The following TBC1D26 variants were observed in gnomAD, a reference collection of about 807,000 sequenced individuals.
TBC1D26 encodes TBC1 domain family member 26.
In TBC1D26, 19 loss-of-function variants were observed where a neutral mutation model predicts 42.5. The ratio of observed to expected loss-of-function variants is 0.45; its 90% CI spans 0.31 to 0.66. TBC1D26 has a LOEUF of 0.66. Ranked by LOEUF, TBC1D26 falls within the 30% of genes least tolerant of loss-of-function variation. The pLI, the probability that TBC1D26 is intolerant of heterozygous loss-of-function variation, is 0.06. For synonymous variants in TBC1D26, 97 were observed against 123.5 expected, an observed-to-expected ratio of 0.79 and a Z score of 1.42; for missense variants, 228 against 332.6, an observed-to-expected ratio of 0.69 and a Z score of 2.45.
At chr17:15,740,212 C>T in intron 9 of TBC1D26, 64 bp downstream of exon 9, 1 of 1,613,938 alleles carries the variant, frequency 6.2e-7, no homozygotes, top group Non-Finnish European at 8.5e-7. Context: ...ATGGGTGTCT[C>T]TTGGGGGTGT....
Position 15,740,508 on chromosome 17 carries a change from C to T in TBC1D26, c.546+360C>T, listed in dbSNP as rs149239736. ...GAAATGAGTTTGCATCCTGGGGGAG[C>T]CTCTTCTTCACTGGAAACCTGGCAA... On this transcript the variant is annotated intron_variant, in intron 9 of 14. Coordinates refer to ENST00000437605, the MANE Select transcript of TBC1D26 (RefSeq NM_001388465.1). The T allele has an allele frequency of 1.2e-3, 1,437 of 1,224,406 alleles. 3 individuals carry two copies. In the African/African-American group the frequency reaches 0.019, roughly 16 times the overall value. The allele number at this position is 1,224,406 out of a possible 1,614,324, so 75.8% of individuals were successfully genotyped here. A position where few individuals can be genotyped will look rare whatever the true frequency, so the allele number is the denominator to read the frequency against.
intron 1 of TBC1D26, chr17:15,734,593 T>C (rs2151496847): frequency 6.5e-6 from 1 of 153,610 alleles, no homozygotes; most frequent in East Asian, 1.9e-4. Context: ...TCTGGTCCTC[T>C]AGAGGCCTTG....
chr17:15,743,112 G>C (rs1199974619), intron 13 of TBC1D26, 104 bp downstream of exon 13: 1 of 153,056 alleles, frequency 6.5e-6, no homozygotes, highest in African/African-American at 2.4e-5. Context: ...GGGTTGGGGG[G>C]TCTGGCCTGC....
At position 15,741,158 on chromosome 17, in the gene TBC1D26, G is replaced by A. The variant is rs1367232258; in HGVS notation, c.583G>A (p.Ala195Thr). Residue 195 changes from alanine to threonine, a missense_variant, in exon 10 of 15, where the codon GCC becomes ACC. Physicochemically the swap from Ala to Thr is moderately conservative, Grantham distance 58 (BLOSUM62 0). Around this residue, in one of 5 missense-constraint regions of TBC1D26, gnomAD observed 130 missense variants for 168.5 expected, o/e 0.77. Coordinates refer to ENST00000437605, the MANE Select transcript of TBC1D26 (RefSeq NM_001388465.1). ...CCACAGGGACCTGAGCCGCATCACT[G>A]CCATCCTCCTCCTGTGTCTGCCAGA... ...GYHRDLSRIT[A>T]ILLLCLPEED... 6.2e-7 allele frequency: 1 copy of A among 1,613,162 alleles called. No homozygotes were observed. Among genetic ancestry groups the A allele is most frequent in the Non-Finnish European group, 8.5e-7 (1 of 1,179,976 alleles).
Position 15,735,689 on chromosome 17 carries a change from C to T in TBC1D26, c.158+10C>T. On this transcript the variant is annotated intron_variant, in intron 4 of 14. Coordinates refer to ENST00000437605, the MANE Select transcript of TBC1D26 (RefSeq NM_001388465.1). The stretch of plus-strand genomic sequence containing the variant: ...ACCTCGGGATTGTGCAGTAAGTCCT[C>T]TGTCCCCCCGACCCCAGCCACCAAT... 1 of 622,034 alleles carries T rather than the reference C, an allele frequency of 1.6e-6. No homozygotes were observed. Among genetic ancestry groups the T allele is most frequent in the Non-Finnish European group, 2.9e-6 (1 of 347,688 alleles). The allele number at this position is 622,034 out of a possible 1,614,324, so 38.5% of individuals were successfully genotyped here. A position where few individuals can be genotyped will look rare whatever the true frequency, so the allele number is the denominator to read the frequency against.
In TBC1D26 at chr17:15,738,068, C is replaced by G. The variant is rs934628897; in HGVS notation, c.270C>G (p.Ser90Arg). ...KMLADWTKYR[S>R]TKKLSQRVYK... Reference sequence around the variant, plus strand: ...TTGCAGACTGGACAAAATATAGGAGCACCAAGAAGGTAACATGGGGAGGAA... The same window carrying G: ...TTGCAGACTGGACAAAATATAGGAGGACCAAGAAGGTAACATGGGGAGGAA... The change falls in exon 6 of 15, where the codon AGC (serine) becomes AGG (arginine). Residue 90 changes from serine to arginine, a missense_variant. Around this residue, in one of 5 missense-constraint regions of TBC1D26, gnomAD observed 72 missense variants for 90.1 expected, o/e 0.80. Coordinates refer to ENST00000437605, the MANE Select transcript of TBC1D26 (RefSeq NM_001388465.1). 5.6e-6 allele frequency: 9 copies of G among 1,614,070 alleles called. No homozygotes were observed. The African/African-American group carries it at 1.2e-4, about 22-fold the overall frequency.
At chr17:15,743,257 C>A in intron 13 of TBC1D26, 110 bp from the exon 14 acceptor site, 1 of 483,016 alleles carries the variant, frequency 2.1e-6, no homozygotes, top group Non-Finnish European at 2.7e-6. Flanking sequence ...CCCAGGGTGG[C>A]CAAAAAGGAC....
chr17:15,738,537 C>A, intron 7 of TBC1D26, 150 bp downstream of exon 7: 1 of 1,320,696 alleles, frequency 7.6e-7, no homozygotes, highest in South Asian at 1.4e-5. Flanking sequence ...ACTCAGGCAC[C>A]ACAGGTGCGC....
intron 9 of TBC1D26, chr17:15,740,390 C>T (rs1967745979): frequency 6.9e-7 from 1 of 1,440,264 alleles, no homozygotes; most frequent in South Asian, 1.5e-5. Context: ...GCCCCAAAGC[C>T]TAGGAGCTTG....
chr17:15,735,398 A>G lies in TBC1D26; in HGVS notation c.50A>G (p.Asn17Ser), dbSNP rs1967586686. Residue 17 changes from asparagine to serine, a missense_variant, in exon 3 of 15, where the codon AAT becomes AGT. By Grantham distance (46) the Asn-to-Ser change is conservative. Coordinates refer to ENST00000437605, the MANE Select transcript of TBC1D26 (RefSeq NM_001388465.1). ...AACCTGCCTGCCCAGGGGCAAGGCAATATCATCATTACTAAGTATGAGCAG... is the reference window on the plus strand; with the variant it reads ...AACCTGCCTGCCCAGGGGCAAGGCAGTATCATCATTACTAAGTATGAGCAG... ...PYNLPAQGQG[N>S]IIITKYEQGH... The G allele has an allele frequency of 1.2e-6, 2 of 1,613,592 alleles. No homozygotes were observed. The highest frequency in any genetic ancestry group is 8.5e-7 in the Non-Finnish European group (1 of 1,179,770).
chr17:15,739,828 G>A (rs1363106486), intron 8 of TBC1D26, among the ~76,000 whole-genome samples: 1 of 152,262 alleles, frequency 6.6e-6, no homozygotes, highest in Non-Finnish European at 1.5e-5. Flanking sequence ...GGACTTCTGT[G>A]TGTGCAAACT....
intron 8 of TBC1D26, among the ~76,000 whole-genome samples, chr17:15,739,474 C>T (rs1463840403): frequency 1.3e-5 from 2 of 152,288 alleles, no homozygotes; most frequent in African/African-American, 4.8e-5. Flanking sequence ...GAAGGGGGTT[C>T]CACTCTTCAG....
intron 10 of TBC1D26, 34 bp downstream of exon 10, chr17:15,741,255 T>A (rs754321043): frequency 9.9e-6 from 16 of 1,612,486 alleles, no homozygotes; most frequent in Non-Finnish European, 1.3e-5. Context: ...GGTGGACAGC[T>A]GCCCCCGGGG....
At chr17:15,734,718 C>T (rs1201738742) in intron 1 of TBC1D26, 1 of 164,160 alleles carries the variant, frequency 6.1e-6, no homozygotes, top group Non-Finnish European at 1.3e-5. Context: ...ACAAAGTCCC[C>T]TCCTGTATTG....
At chr17:15,733,887 T>C (rs1967542192) in intron 1 of TBC1D26, 1 of 152,314 alleles carries the variant, frequency 6.6e-6, no homozygotes, top group Admixed American at 6.5e-5. Context: ...GGTTCTGTGG[T>C]GCATGAACGA....
At position 15,732,401 on chromosome 17, in the gene TBC1D26, C is replaced by G. The variant is rs1480653985; in HGVS notation, c.-143+17C>G. 1.4e-5 allele frequency: 2 copies of G among 145,924 alleles called. No individual in the cohort carries two copies. Among genetic ancestry groups the G allele is most frequent in the Non-Finnish European group, 3.0e-5 (2 of 66,310 alleles). The allele number at this position is 145,924 out of a possible 1,614,324, so 9.0% of individuals were successfully genotyped here. ...CTGACTCAGGTGAGTGTGACCTGCTCTGTTCCTTCCCTGCTGACCTGGGTA... is the reference window on the plus strand; with the variant it reads ...CTGACTCAGGTGAGTGTGACCTGCTGTGTTCCTTCCCTGCTGACCTGGGTA... On this transcript the variant is annotated intron_variant, in intron 1 of 14. Coordinates refer to ENST00000437605, the MANE Select transcript of TBC1D26 (RefSeq NM_001388465.1).
At chr17:15,738,140 T>C (rs1179127520) in intron 6 of TBC1D26, 63 bp downstream of exon 6, 27 of 1,613,150 alleles carry the variant, frequency 1.7e-5, no homozygotes, top group Admixed American at 3.3e-5. Flanking sequence ...CAGGCACCCA[T>C]GGTTGTGACC....
chr17:15,735,472 G>A (rs62072376), intron 3 of TBC1D26, 49 bp downstream of exon 3: 193 of 1,563,580 alleles, frequency 1.2e-4, no homozygotes, highest in Admixed American at 2.8e-4. Context: ...CGCCTCTCCC[G>A]CTGTGCCCTG....
rs373614352 is a variant in TBC1D26 at position 15,737,967 on chromosome 17, C to T, written c.199-30C>T. The T allele has an allele frequency of 1.0e-4, 165 of 1,613,986 alleles. 5 individuals are homozygous for T. The South Asian group carries it at 1.1e-3, about 11-fold the overall frequency. ...GGCCACTGTCAGACGCCTGGCAGCTCCGCTAACTCCATCATGGCTCATTTG... is the reference window on the plus strand; with the variant it reads ...GGCCACTGTCAGACGCCTGGCAGCTTCGCTAACTCCATCATGGCTCATTTG... On this transcript the variant is annotated intron_variant, in intron 5 of 14. Coordinates refer to ENST00000437605, the MANE Select transcript of TBC1D26 (RefSeq NM_001388465.1).
Sources: gnomAD v4.1 joint callset for allele counts (sites outside exome capture counted in the v4.1 genomes callset) on GRCh38, gnomAD v4.1.1 for gene constraint, gnomAD v4.1.1 regional missense constraint, MANE v1.5 for transcripts, NCBI Gene and HGNC (gene_info 2026-07-23, HGNC 2026-07-21) for gene names.